Variants in C4orf36 observed in about 807,000 individuals in gnomAD.
C4orf36 encodes uncharacterized protein C4orf36.
Under a neutral mutation model 12.2 loss-of-function variants are expected in C4orf36, and 11 were observed. The ratio of observed to expected loss-of-function variants is 0.90; its 90% CI spans 0.57 to 1.49. The LOEUF is 1.49. C4orf36 is among the 40% of genes most tolerant of loss of function. The pLI is 0.00. For missense variants in C4orf36, 137 were observed against 133.9 expected, an observed-to-expected ratio of 1.02 and a Z score of -0.11; for synonymous variants, 54 against 51.3, an observed-to-expected ratio of 1.05 and a Z score of -0.22.
chr4:86,892,314 G>C lies in C4orf36; in HGVS notation c.-205C>G, dbSNP rs1747454572. ...CCAGGGGCTCGGAGGGTCGCGGCCG[G>C]GGTACTGAGGTAAGAGCGCGCTGCG... is the stretch of plus-strand genomic sequence containing the variant. On this transcript the variant is annotated 5_prime_UTR_variant, in exon 1 of 5. Transcript: ENST00000295898. 3 of 985,554 alleles carry C rather than the reference G, an allele frequency of 3.0e-6. No individual in the cohort carries two copies. The highest frequency in any genetic ancestry group is 3.6e-6 in the Non-Finnish European group (3 of 830,016). The allele number at this position is 985,554 out of a possible 1,614,324, so 61.1% of individuals were successfully genotyped here. A position where few individuals can be genotyped will look rare whatever the true frequency, so the allele number is the denominator to read the frequency against.
At chr4:86,929,107 T>C in the C4orf36 span, among the ~76,000 whole-genome samples, 1 of 152,190 alleles carries the variant, frequency 6.6e-6, no homozygotes, top group African/African-American at 2.4e-5. Context: ...CCGTATGAGT[T>C]TTCTGTCGCT....
At chr4:86,889,351 C>CAAAAAAAAAA (rs11357505) in intron 2 of C4orf36, among the ~76,000 whole-genome samples, 1 of 118,278 alleles carries the variant, frequency 8.5e-6, no homozygotes. Flanking sequence ...AACTCCGTCT[C>CAAAAAAAAAA]AAAAAAAAAA....
upstream of C4orf36, among the ~76,000 whole-genome samples, chr4:86,893,735 C>T (rs1747516872): frequency 6.6e-6 from 1 of 152,100 alleles, no homozygotes; most frequent in Non-Finnish European, 1.5e-5. Context: ...ACTCGCTCTT[C>T]AGCATTTCTG....
intron 4 of C4orf36, among the ~76,000 whole-genome samples, chr4:86,878,326 C>T (rs948221638): frequency 1.3e-5 from 2 of 152,186 alleles, no homozygotes; most frequent in African/African-American, 4.8e-5. Flanking sequence ...TATTGGAATG[C>T]ATAGGTTTGT....
the C4orf36 span, among the ~76,000 whole-genome samples, chr4:86,905,132 G>T: frequency 6.6e-6 from 1 of 151,920 alleles, no homozygotes; most frequent in Non-Finnish European, 1.5e-5. Flanking sequence ...CAGCACTTTG[G>T]GAAGCCGAGG....
At chr4:86,905,221 A>G in the C4orf36 span, among the ~76,000 whole-genome samples, 1 of 151,356 alleles carries the variant, frequency 6.6e-6, no homozygotes, top group African/African-American at 2.4e-5. Flanking sequence ...AAAAATACAA[A>G]AAAAAAAAAA....
At chr4:86,919,119 GGAGAGAGA>G in the C4orf36 span, among the ~76,000 whole-genome samples, 26 of 145,240 alleles carry the variant, frequency 1.8e-4, no homozygotes, top group Admixed American at 2.8e-4. Flanking sequence ...CCCAGCTCCA[GGAGAGAGA>G]GAGAGAGAGA....
At chr4:86,887,924 C>T (rs371149489) in intron 3 of C4orf36, 31 bp from the exon 4 acceptor site, 78 of 1,612,434 alleles carry the variant, frequency 4.8e-5, no homozygotes, top group Non-Finnish European at 6.2e-5. Flanking sequence ...AACAATCTGA[C>T]ATACATTTTT....
the C4orf36 span, chr4:86,924,815 T>C: frequency 6.6e-6 from 1 of 152,258 alleles, no homozygotes; most frequent in Non-Finnish European, 1.5e-5. Context: ...CATTCTCACA[T>C]TGCTATAAAA....
At chr4:86,920,334 C>T in the C4orf36 span, among the ~76,000 whole-genome samples, 1 of 152,172 alleles carries the variant, frequency 6.6e-6, no homozygotes, top group African/African-American at 2.4e-5. Context: ...CCAGAATCAC[C>T]CTTAATACTC....
the C4orf36 span, chr4:86,914,359 C>A: frequency 1.8e-5 from 21 of 1,139,448 alleles, no homozygotes; most frequent in Non-Finnish European, 2.6e-5. Flanking sequence ...AGTTCATGAG[C>A]TTTCACCCCC....
chr4:86,897,985 C>A, the C4orf36 span, among the ~76,000 whole-genome samples: 2 of 152,188 alleles, frequency 1.3e-5, no homozygotes, highest in Non-Finnish European at 2.9e-5. Context: ...ATACATGAGA[C>A]CTTTAGGCTG....
the C4orf36 span, chr4:86,914,191 A>C: frequency 6.3e-7 from 1 of 1,592,582 alleles, no homozygotes; most frequent in Non-Finnish European, 8.6e-7. Flanking sequence ...TACTTCACAA[A>C]AGTAGCTGCA....
chr4:86,907,439 A>G, the C4orf36 span, among the ~76,000 whole-genome samples: 2 of 152,198 alleles, frequency 1.3e-5, no homozygotes, highest in African/African-American at 4.8e-5. Context: ...TAATCTGTGT[A>G]CCAAACCCCC....
the C4orf36 span, among the ~76,000 whole-genome samples, chr4:86,919,266 C>T: frequency 6.6e-6 from 1 of 150,458 alleles, no homozygotes; most frequent in African/African-American, 2.4e-5. Context: ...TCATTTTTTA[C>T]ATGACCAGGC....
At chr4:86,878,218 G>A (rs867142993) in intron 4 of C4orf36, among the ~76,000 whole-genome samples, 7 of 152,046 alleles carry the variant, frequency 4.6e-5, no homozygotes, top group African/African-American at 1.2e-4. Context: ...AGTGGCTGCT[G>A]CCCCTTTGGA....
chr4:86,923,619 T>C, the C4orf36 span, among the ~76,000 whole-genome samples: 15 of 151,864 alleles, frequency 9.9e-5, no homozygotes, highest in Non-Finnish European at 5.9e-5. Flanking sequence ...ATTAGCCACA[T>C]GTGGTGGTGG....
rs747518200 is a variant in C4orf36, at chr4:86,887,860, C to T, written c.254G>A (p.Arg85His). 1.1e-5 allele frequency: 18 copies of T among 1,614,030 alleles called. No individual in the cohort carries two copies. The highest frequency in any genetic ancestry group is 4.4e-5 in the South Asian group (4 of 91,076). Residue 85 changes from arginine (R) to histidine (H), a missense_variant, in exon 4 of 5, where the codon CGT (arginine) becomes CAT (histidine). Transcript: ENST00000295898. ...IKLEREYEVK[R>H]LCKLKCQENT... ...TTCTTGACACTTCAGTTTACAAAGACGCTTCACTTCATACTCCCTTTCGAG... is the reference window on the plus strand; with the variant it reads ...TTCTTGACACTTCAGTTTACAAAGATGCTTCACTTCATACTCCCTTTCGAG...
At chr4:86,910,832 G>A in the C4orf36 span, among the ~76,000 whole-genome samples, 2 of 152,100 alleles carry the variant, frequency 1.3e-5, no homozygotes, top group Admixed American at 6.6e-5. Context: ...TCGGGAGGCC[G>A]AGGCGGGTGG....
Sources: gnomAD v4.1 joint callset for allele counts (sites outside exome capture counted in the v4.1 genomes callset) on GRCh38, gnomAD v4.1.1 for gene constraint, MANE v1.5 for transcripts, NCBI Gene and HGNC (gene_info 2026-07-23, HGNC 2026-07-21) for gene names.